The following SGCZ variants were observed in gnomAD, a reference collection of about 807,000 sequenced individuals.
SGCZ encodes zeta-sarcoglycan.
Under a neutral mutation model 41.3 loss-of-function variants are expected in SGCZ, and 40 were observed. That is an observed-to-expected ratio of 0.97 (90% CI 0.75 to 1.26). The LOEUF (loss-of-function observed/expected upper bound fraction) is 1.26. Ranked by LOEUF, SGCZ falls within the 50% of genes most tolerant of loss-of-function variation. The pLI, the probability that SGCZ is intolerant of heterozygous loss-of-function variation, is 0.00. For missense variants in SGCZ, 552 were observed against 369.8 expected (o/e 1.49, Z -4.04); for synonymous variants, 206 against 137.5 (o/e 1.50, Z -3.49).
chr8:14,742,662 A>T (rs1262866460), intron 1 of SGCZ, among the ~76,000 whole-genome samples: 1 of 152,132 alleles, frequency 6.6e-6, no homozygotes, highest in Non-Finnish European at 1.5e-5. Context: ...CAAAAATTAT[A>T]GTACATAAAT....
At chr8:14,920,170 G>C (rs550227214) in intron 1 of SGCZ, among the ~76,000 whole-genome samples, 2 of 152,244 alleles carry the variant, frequency 1.3e-5, no homozygotes, top group South Asian at 2.1e-4. Context: ...GTGCATTTTA[G>C]CTTCTGACAC....
At chr8:14,527,380 C>A (rs568908491) in intron 2 of SGCZ, among the ~76,000 whole-genome samples, 2 of 152,270 alleles carry the variant, frequency 1.3e-5, no homozygotes, top group African/African-American at 4.8e-5. Context: ...TGGCTCACTG[C>A]AACCTCAAAC....
At chr8:14,944,135 C>A (rs1487405357) in intron 1 of SGCZ, among the ~76,000 whole-genome samples, 1 of 152,110 alleles carries the variant, frequency 6.6e-6, no homozygotes, top group South Asian at 2.1e-4. Context: ...CCGCTTCATT[C>A]GAATCATATA....
chr8:14,392,640 A>C lies in SGCZ; in HGVS notation c.235-68436T>G, dbSNP rs1285792419. ...ATTCATTTTATAACATAGGCAGATA[A>C]ACTATGGTTACTTGAAATACATGAA... is the stretch of plus-strand genomic sequence containing the variant. On this transcript the variant is annotated intron_variant, in intron 2 of 7. Transcript: ENST00000382080. Among the ~76,000 whole-genome samples the C allele has an allele frequency of 2.0e-5, 3 of 152,278 alleles. No individual in the cohort carries two copies. The East Asian group carries it at 5.8e-4, about 29-fold the overall frequency.
chr8:14,970,140 T>G (rs1036901360), intron 1 of SGCZ, among the ~76,000 whole-genome samples: 3 of 152,162 alleles, frequency 2.0e-5, no homozygotes, highest in African/African-American at 7.2e-5. Context: ...TAATAACTAA[T>G]GATGTTGAGC....
intron 2 of SGCZ, among the ~76,000 whole-genome samples, chr8:14,446,610 C>G (rs1207439858): frequency 6.6e-6 from 1 of 152,112 alleles, no homozygotes; most frequent in Non-Finnish European, 1.5e-5. Flanking sequence ...AACTTTTCTC[C>G]TTCAATGACA....
At chr8:15,225,334 C>T (rs1461113822) in intron 1 of SGCZ, among the ~76,000 whole-genome samples, 2 of 152,014 alleles carry the variant, frequency 1.3e-5, no homozygotes, top group Non-Finnish European at 2.9e-5. Context: ...TCTATCTCTT[C>T]CTAGGACTAG....
intron 1 of SGCZ, among the ~76,000 whole-genome samples, chr8:14,854,534 G>A (rs1173230670): frequency 1.3e-5 from 2 of 151,940 alleles, no homozygotes; most frequent in Non-Finnish European, 2.9e-5. Flanking sequence ...ATTTCACATT[G>A]TGTAATATTG....
intron 1 of SGCZ, among the ~76,000 whole-genome samples, chr8:14,780,891 A>C (rs1404658634): frequency 6.6e-6 from 1 of 152,202 alleles, no homozygotes; most frequent in Non-Finnish European, 1.5e-5. Context: ...AACACTTAAA[A>C]AAAGCAAATT....
At chr8:14,781,510 T>C (rs1260069278) in intron 1 of SGCZ, among the ~76,000 whole-genome samples, 4 of 152,192 alleles carry the variant, frequency 2.6e-5, no homozygotes, top group African/African-American at 9.6e-5. Context: ...ATTTACAGCC[T>C]GAGCCACCAC....
chr8:15,193,623 A>C (rs1800614129), intron 1 of SGCZ, among the ~76,000 whole-genome samples: 1 of 152,096 alleles, frequency 6.6e-6, no homozygotes, highest in Non-Finnish European at 1.5e-5. Context: ...AGTTAGTCAT[A>C]TTTCTGGTGC....
rs371794093 is a variant in SGCZ, at chr8:14,202,496, GA to G, written c.424+35095del. On this transcript the variant is annotated intron_variant, in intron 4 of 7. Transcript: ENST00000382080. ...CTATTTCATATTGGGTTTCACAAGG[GA>G]AAAAAAAATGAGAAAACTATTCATA... is the stretch of plus-strand genomic sequence containing the variant. Among the ~76,000 whole-genome samples, 1,114 of 148,814 alleles carry G rather than the reference GA, an allele frequency of 7.5e-3. 6 individuals are homozygous for G. The highest frequency in any genetic ancestry group is 0.012 in the Non-Finnish European group (781 of 67,034).
At chr8:14,872,844 AC>A in intron 1 of SGCZ, among the ~76,000 whole-genome samples, 1 of 152,246 alleles carries the variant, frequency 6.6e-6, no homozygotes, top group South Asian at 2.1e-4. Flanking sequence ...CACTGACTTA[AC>A]CATAGTAGAT....
chr8:15,076,030 A>G (rs1465912770), intron 1 of SGCZ, among the ~76,000 whole-genome samples: 1 of 152,226 alleles, frequency 6.6e-6, no homozygotes, highest in African/African-American at 2.4e-5. Context: ...TTTTGGTACT[A>G]TGAGACTATA....
chr8:14,266,687 T>C (rs1799879627), intron 3 of SGCZ, among the ~76,000 whole-genome samples: 1 of 152,122 alleles, frequency 6.6e-6, no homozygotes, highest in Non-Finnish European at 1.5e-5. Flanking sequence ...GTTTTTATCT[T>C]ATCCTAAGCA....
chr8:15,071,389 C>G (rs1020873628), intron 1 of SGCZ, among the ~76,000 whole-genome samples: 6 of 152,136 alleles, frequency 3.9e-5, no homozygotes, highest in African/African-American at 1.4e-4. Flanking sequence ...AGGAGCAAGA[C>G]TGGACTTTGG....
intron 1 of SGCZ, among the ~76,000 whole-genome samples, chr8:14,899,513 C>T (rs1300854322): frequency 6.6e-6 from 1 of 152,146 alleles, no homozygotes; most frequent in Non-Finnish European, 1.5e-5. Flanking sequence ...TAGCCATTTC[C>T]TCAACAGACT....
intron 1 of SGCZ, among the ~76,000 whole-genome samples, chr8:15,097,781 CGT>C (rs1217003499): frequency 1.1e-5 from 1 of 91,792 alleles, no homozygotes; most frequent in Non-Finnish European, 2.2e-5. Flanking sequence ...TATATATATA[CGT>C]GTATATATAT....
rs150777284 is a variant in SGCZ, at chr8:14,465,980, C to G, written c.234+88752G>C. On this transcript the variant is annotated intron_variant, in intron 2 of 7. Coordinates refer to ENST00000382080, the MANE Select transcript of SGCZ (RefSeq NM_139167.4). Reference sequence around the variant, plus strand: ...TTTTTCTCTTAAATCATGTACAAAACAAACAGTAGAGTTATAAAATATTGT... The same window carrying G: ...TTTTTCTCTTAAATCATGTACAAAAGAAACAGTAGAGTTATAAAATATTGT... Among the ~76,000 whole-genome samples, 565 of 151,996 alleles carry G rather than the reference C, an allele frequency of 3.7e-3. 3 individuals are homozygous for G. The highest frequency in any genetic ancestry group is 8.5e-3 in the Admixed American group (129 of 15,230).
Sources: allele counts gnomAD v4.1 joint callset (sites outside exome capture counted in the v4.1 genomes callset), GRCh38; gene constraint gnomAD v4.1.1; transcripts MANE v1.5; gene names NCBI Gene and HGNC (gene_info 2026-07-23, HGNC 2026-07-21).